Variants in MRS2 observed in about 807,000 individuals in gnomAD.
The protein encoded by MRS2 is magnesium transporter MRS2, also known as magnesium transporter MRS2 homolog, mitochondrial.
In MRS2, 40 loss-of-function variants were observed where a neutral mutation model predicts 52.6. That is an observed-to-expected ratio of 0.76 (90% CI 0.59 to 0.99). The LOEUF is 0.99. Ranked by LOEUF, MRS2 falls within the 50% of genes least tolerant of loss-of-function variation. The pLI is 0.00. For missense variants in MRS2, 472 were observed against 532.7 expected (o/e 0.89, Z 1.12); for synonymous variants, 193 against 195.9 (o/e 0.98, Z 0.13).
At chr6:24,423,121 G>A (rs1581714351) in intron 10 of MRS2, 71 bp downstream of exon 10, 6 of 1,265,506 alleles carry the variant, frequency 4.7e-6, no homozygotes, top group Middle Eastern at 1.9e-4. Context: ...CAGAGCGCCT[G>A]GGATTAAGTT....
At chr6:24,407,227 A>C (rs1300172059) in intron 2 of MRS2, among the ~76,000 whole-genome samples, 1 of 152,240 alleles carries the variant, frequency 6.6e-6, no homozygotes, top group African/African-American at 2.4e-5. Context: ...CAGTGGGTTT[A>C]TGTATTTGTG....
intron 4 of MRS2, among the ~76,000 whole-genome samples, chr6:24,411,422 T>G (rs975423094): frequency 7.2e-5 from 11 of 152,196 alleles, no homozygotes; most frequent in African/African-American, 2.7e-4. Context: ...AGTGGTGTTT[T>G]AAAAAGGAAA....
chr6:24,404,348 C>T lies in MRS2; in HGVS notation c.191-820C>T, dbSNP rs147802762. ...ATTTGTAATCAGCAAATGCCTTTTACCTTTATTCATCTTACCCTTATAGTG... is the reference window on the plus strand; with the variant it reads ...ATTTGTAATCAGCAAATGCCTTTTATCTTTATTCATCTTACCCTTATAGTG... On this transcript the variant is annotated intron_variant, in intron 1 of 10. Transcript: ENST00000378386. Among the ~76,000 whole-genome samples the T allele has an allele frequency of 5.4e-3, 816 of 152,288 alleles. 11 individuals carry two copies. The highest frequency in any genetic ancestry group is 0.017 in the African/African-American group (716 of 41,560).
chr6:24,410,299 A>G (rs1761608173), intron 4 of MRS2, among the ~76,000 whole-genome samples: 1 of 152,176 alleles, frequency 6.6e-6, no homozygotes, highest in Non-Finnish European at 1.5e-5. Context: ...TTTTTAATGG[A>G]AAACTTTCTG....
At chr6:24,410,270 T>G (rs1262599165) in intron 4 of MRS2, among the ~76,000 whole-genome samples, 4 of 152,198 alleles carry the variant, frequency 2.6e-5, no homozygotes, top group Non-Finnish European at 5.9e-5. Flanking sequence ...TGAGCCACCG[T>G]GCCTGGCCAG....
At chr6:24,407,730 A>T (rs1162804775) in intron 2 of MRS2, among the ~76,000 whole-genome samples, 1 of 152,164 alleles carries the variant, frequency 6.6e-6, no homozygotes, top group Non-Finnish European at 1.5e-5. Context: ...GGCGGGCCAT[A>T]CTTGGTCCCA....
At chr6:24,406,452 C>T (rs1359566430) in intron 2 of MRS2, among the ~76,000 whole-genome samples, 1 of 152,086 alleles carries the variant, frequency 6.6e-6, no homozygotes, top group Non-Finnish European at 1.5e-5. Context: ...ATTCATTGTT[C>T]TGGAAGAGTT....
intron 3 of MRS2, among the ~76,000 whole-genome samples, chr6:24,408,956 AGT>A (rs935171921): frequency 1.3e-5 from 2 of 152,316 alleles, no homozygotes; most frequent in African/African-American, 4.8e-5. Context: ...ATTACTTTAC[AGT>A]GTGACTTCAG....
At chr6:24,420,620 G>A (rs1303379034) in intron 9 of MRS2, among the ~76,000 whole-genome samples, 1 of 152,142 alleles carries the variant, frequency 6.6e-6, no homozygotes, top group Non-Finnish European at 1.5e-5. Flanking sequence ...GTGCCTCAGA[G>A]AAAAATAAAG....
chr6:24,418,633 T>C, intron 9 of MRS2, 55 bp downstream of exon 9: 1 of 1,343,242 alleles, frequency 7.4e-7, no homozygotes, highest in Non-Finnish European at 1.1e-6. Context: ...GCATGGTGGC[T>C]CATGTCAGTA....
intron 9 of MRS2, among the ~76,000 whole-genome samples, chr6:24,422,286 G>A (rs1288775768): frequency 6.6e-6 from 1 of 152,220 alleles, no homozygotes; most frequent in Non-Finnish European, 1.5e-5. Flanking sequence ...TAACAGCATA[G>A]CTATAAATGG....
intron 2 of MRS2, among the ~76,000 whole-genome samples, chr6:24,406,639 G>C (rs1019656665): frequency 1.3e-5 from 2 of 152,142 alleles, no homozygotes; most frequent in African/African-American, 4.8e-5. Flanking sequence ...GCCAGGCGTG[G>C]TGGTGCACGC....
chr6:24,417,953 A>AT, intron 7 of MRS2, 131 bp from the exon 8 acceptor site: 1 of 412,026 alleles, frequency 2.4e-6, no homozygotes, highest in Non-Finnish European at 3.6e-6. Context: ...AAAAAAAAAA[A>AT]GACAAGACAA....
intron 5 of MRS2, among the ~76,000 whole-genome samples, chr6:24,412,658 ATTT>A (rs1381347222): frequency 6.6e-6 from 1 of 152,186 alleles, no homozygotes; most frequent in Non-Finnish European, 1.5e-5. Flanking sequence ...TCATCAAGTC[ATTT>A]TTTGATTTGT....
intron 6 of MRS2, 66 bp from the exon 7 acceptor site, chr6:24,416,331 A>G: frequency 1.4e-6 from 1 of 698,046 alleles, no homozygotes; most frequent in Admixed American, 2.4e-5. Flanking sequence ...TACTCTAAAA[A>G]CACTATTATG....
intron 7 of MRS2, among the ~76,000 whole-genome samples, chr6:24,417,881 G>A (rs1761902870): frequency 6.6e-6 from 1 of 151,826 alleles, no homozygotes; most frequent in Non-Finnish European, 1.5e-5. Context: ...GGCAGAGGTT[G>A]CAGTGAGCCG....
chr6:24,410,652 C>A, intron 4 of MRS2: 2 of 1,171,912 alleles, frequency 1.7e-6, no homozygotes, highest in South Asian at 1.5e-5. Context: ...AAGATCCCAT[C>A]TCTAAAAATA....
At chr6:24,423,396 C>T (rs13735) in intron 10 of MRS2, 188 bp from the exon 11 acceptor site, 204,016 of 493,340 alleles carry the variant, frequency 0.41, 45,264 homozygotes, top group East Asian at 0.76. Context: ...ACATTTATAA[C>T]GTTCTTAAAA....
chr6:24,407,186 A>G (rs1389613605), intron 2 of MRS2, among the ~76,000 whole-genome samples: 2 of 131,974 alleles, frequency 1.5e-5, no homozygotes, highest in Non-Finnish European at 1.8e-5. Context: ...ATATAGTTTT[A>G]TGTTACGTAT....
Sources: allele counts gnomAD v4.1 joint callset (sites outside exome capture counted in the v4.1 genomes callset), GRCh38; gene constraint gnomAD v4.1.1; transcripts MANE v1.5; gene names NCBI Gene and HGNC (gene_info 2026-07-23, HGNC 2026-07-21).